The following GALNT11 variants were observed in gnomAD, a reference collection of about 807,000 sequenced individuals.
GALNT11 encodes polypeptide N-acetylgalactosaminyltransferase 11.
Under a neutral mutation model 72.7 loss-of-function variants are expected in GALNT11, and 47 were observed. The observed-to-expected ratio is 0.65, with a 90% confidence interval of 0.51 to 0.82. GALNT11 has a LOEUF of 0.82. Among genes scored for constraint, GALNT11 ranks in the 40% least tolerant of loss-of-function variants. The pLI is 0.00. For synonymous variants in GALNT11, 270 were observed against 286.6 expected, an observed-to-expected ratio of 0.94 and a Z score of 0.58; for missense variants, 677 against 778.4, an observed-to-expected ratio of 0.87 and a Z score of 1.55.
At chr7:152,119,197 G>A (rs764284436) in intron 10 of GALNT11, 5 of 152,770 alleles carry the variant, frequency 3.3e-5, no homozygotes, top group African/African-American at 1.2e-4. Context: ...ATAGGAATTT[G>A]TTAGAAATGG....
Position 152,121,556 on chromosome 7 carries a change from G to A in GALNT11, c.1706G>A (p.Arg569Gln), listed in dbSNP as rs371120745. The A allele has an allele frequency of 4.4e-5, 70 of 1,606,596 alleles. No homozygotes were observed. Among genetic ancestry groups the A allele is most frequent in the Non-Finnish European group, 5.9e-5 (69 of 1,177,500 alleles). The change falls in exon 12 of 12, where the codon CGG becomes CAG. Residue 569 changes from arginine (R) to glutamine (Q), a missense_variant. By Grantham distance (43) the Arg-to-Gln change is conservative (BLOSUM62 1). Transcript: ENST00000430044. ...CTACCTTTTTTTCAGAAAAACAATC[G>A]GCTATACCAGGTGTCGGTTGGACAG... ...SQQWTFGKNN[R>Q]LYQVSVGQCL...
At chr7:152,102,013 A>C (rs1463415352) in intron 3 of GALNT11, among the ~76,000 whole-genome samples, 1 of 152,130 alleles carries the variant, frequency 6.6e-6, no homozygotes, top group African/African-American at 2.4e-5. Context: ...GATACATGGA[A>C]GCTCTTCTGT....
At chr7:152,080,337 AGTT>A (rs2085245333) in intron 1 of GALNT11, among the ~76,000 whole-genome samples, 1 of 152,158 alleles carries the variant, frequency 6.6e-6, no homozygotes, top group Non-Finnish European at 1.5e-5. Context: ...TCTTTTCCAT[AGTT>A]GTTCTTATAT....
chr7:152,026,392 G>A (rs1435022922), intron 1 of GALNT11, among the ~76,000 whole-genome samples: 1 of 152,236 alleles, frequency 6.6e-6, no homozygotes, highest in East Asian at 1.9e-4. Context: ...TAAGACAGCT[G>A]CAAAGATAAA....
chr7:152,073,201 A>T (rs2084763994), intron 1 of GALNT11, among the ~76,000 whole-genome samples: 1 of 152,202 alleles, frequency 6.6e-6, no homozygotes, highest in Admixed American at 6.5e-5. Flanking sequence ...ACAATATGTT[A>T]TTGTTAACTA....
At chr7:152,087,305 C>T (rs1004508150) in intron 1 of GALNT11, among the ~76,000 whole-genome samples, 4 of 152,124 alleles carry the variant, frequency 2.6e-5, no homozygotes, top group African/African-American at 7.2e-5. Context: ...AGAAGATATT[C>T]GAGCAAAGAT....
chr7:152,056,486 C>A (rs1453444220), intron 1 of GALNT11, among the ~76,000 whole-genome samples: 1 of 152,212 alleles, frequency 6.6e-6, no homozygotes, highest in Non-Finnish European at 1.5e-5. Flanking sequence ...GAAGAGACTA[C>A]AACTTAACCA....
intron 1 of GALNT11, among the ~76,000 whole-genome samples, chr7:152,047,895 C>A (rs1023331651): frequency 6.6e-6 from 1 of 151,838 alleles, no homozygotes; most frequent in Non-Finnish European, 1.5e-5. Flanking sequence ...TATTTTTGAT[C>A]AGTTCGTCTT....
Position 152,025,830 on chromosome 7 carries a change from A to T in GALNT11, c.-93A>T. On this transcript the variant is annotated 5_prime_UTR_variant, in exon 1 of 12. Coordinates refer to ENST00000430044, the MANE Select transcript of GALNT11 (RefSeq NM_022087.4). ...TCGGACTGGGGCTGTGGCGGGAGAG[A>T]AGATGCCGCAGCCCGAGTCCCAGAA... 1 of 282,876 alleles carries T rather than the reference A, an allele frequency of 3.5e-6. No individual in the cohort carries two copies. 17.5% of individuals were successfully genotyped at this position (282,876 alleles called of 1,614,324 possible).
Position 152,037,375 on chromosome 7 carries a change from T to C in GALNT11, c.-39+11491T>C, listed in dbSNP as rs112389608. On this transcript the variant is annotated intron_variant, in intron 1 of 11. Transcript: ENST00000430044. The stretch of plus-strand genomic sequence containing the variant: ...CTGTCAAAAATGAGTTCGCTGTAGA[T>C]GTATGGATTTGTTTCTGGGTTCTCC... Among the ~76,000 whole-genome samples the C allele has an allele frequency of 4.7e-3, 717 of 152,350 alleles. 6 individuals carry two copies. The highest frequency in any genetic ancestry group is 0.016 in the African/African-American group (682 of 41,582).
At chr7:152,110,741 T>A (rs2088091483) in intron 7 of GALNT11, 96 bp downstream of exon 7, 2 of 1,019,092 alleles carry the variant, frequency 2.0e-6, no homozygotes, top group Non-Finnish European at 1.5e-6. Flanking sequence ...CTTGATTATT[T>A]TTTTTTCGAG....
At chr7:152,063,867 GTACTT>G (rs1349524547) in intron 1 of GALNT11, among the ~76,000 whole-genome samples, 1 of 152,204 alleles carries the variant, frequency 6.6e-6, no homozygotes, top group African/African-American at 2.4e-5. Context: ...TTGCTGAGGA[GTACTT>G]TACTTCCAAC....
At chr7:152,034,158 T>C (rs1163492023) in intron 1 of GALNT11, among the ~76,000 whole-genome samples, 3 of 152,194 alleles carry the variant, frequency 2.0e-5, no homozygotes, top group Non-Finnish European at 2.9e-5. Flanking sequence ...TTTGGAGATT[T>C]CTTTGCTTAT....
intron 1 of GALNT11, among the ~76,000 whole-genome samples, chr7:152,064,496 A>AT (rs2084196137): frequency 6.6e-6 from 1 of 152,164 alleles, no homozygotes. Flanking sequence ...TCCTGTCATT[A>AT]TGATGTTAGC....
Position 152,120,868 on chromosome 7 carries a change from A to G in GALNT11, c.1595A>G (p.Asn532Ser), listed in dbSNP as rs766527102. 2.5e-6 allele frequency: 4 copies of G among 1,612,194 alleles called. No homozygotes were observed. Among genetic ancestry groups the G allele is most frequent in the South Asian group, 2.2e-5 (2 of 91,050 alleles). ...AATGAAGAGCATGAATTGGTTTTAA[A>G]TAGTCTCCTTTGTCTAGATATGTCA... ...IYNEEHELVLNSLLCLDMSET... is the reference protein window; with the variant it reads ...IYNEEHELVLSSLLCLDMSET... The change falls in exon 11 of 12, where the codon AAT becomes AGT. Residue 532 changes from asparagine (N) to serine (S), a missense_variant. By Grantham distance (46) the Asn-to-Ser change is conservative (BLOSUM62 1). Transcript: ENST00000430044.
intron 1 of GALNT11, among the ~76,000 whole-genome samples, chr7:152,031,771 T>C (rs935364639): frequency 6.6e-6 from 1 of 152,088 alleles, no homozygotes; most frequent in Non-Finnish European, 1.5e-5. Context: ...AGGGCCTGCT[T>C]TAAGGTTTTG....
chr7:152,084,224 T>C (rs2085490739), intron 1 of GALNT11, among the ~76,000 whole-genome samples: 2 of 151,740 alleles, frequency 1.3e-5, no homozygotes, highest in Admixed American at 6.6e-5. Flanking sequence ...TCAATTTTAA[T>C]AAGTTGTATT....
At chr7:152,066,056 A>G (rs1383194609) in intron 1 of GALNT11, among the ~76,000 whole-genome samples, 1 of 152,246 alleles carries the variant, frequency 6.6e-6, no homozygotes, top group Non-Finnish European at 1.5e-5. Context: ...CTACAGAGGC[A>G]GGCAGGCCTT....
intron 1 of GALNT11, among the ~76,000 whole-genome samples, chr7:152,062,474 T>C (rs952654591): frequency 2.0e-5 from 3 of 152,220 alleles, no homozygotes; most frequent in Admixed American, 2.0e-4. Context: ...TCCTGCCTGA[T>C]TGCCCTGGCG....
Sources: allele counts gnomAD v4.1 joint callset (sites outside exome capture counted in the v4.1 genomes callset), GRCh38; gene constraint gnomAD v4.1.1; transcripts MANE v1.5; gene names NCBI Gene and HGNC (gene_info 2026-07-23, HGNC 2026-07-21).